The following FBXL17 variants were observed in gnomAD, a reference collection of about 807,000 sequenced individuals.
FBXL17 encodes F-box and leucine rich repeat protein 17.
In FBXL17, 22 loss-of-function variants were observed where a neutral mutation model predicts 66.2. The ratio of observed to expected loss-of-function variants is 0.33; its 90% CI spans 0.24 to 0.47. The LOEUF (loss-of-function observed/expected upper bound fraction) is 0.47. FBXL17 is among the 20% of genes least tolerant of loss of function. FBXL17 has a pLI of 1.00. For synonymous variants in FBXL17, 474 were observed against 400.5 expected (o/e 1.18, Z -2.19); for missense variants, 878 against 948.2 (o/e 0.93, Z 0.97).
At chr5:107,979,080 C>G (rs990075026) in intron 7 of FBXL17, among the ~76,000 whole-genome samples, 2 of 152,172 alleles carry the variant, frequency 1.3e-5, no homozygotes, top group Non-Finnish European at 2.9e-5. Flanking sequence ...AGAGACAATG[C>G]ATGTGAAACG....
intron 6 of FBXL17, among the ~76,000 whole-genome samples, chr5:108,074,048 C>T (rs1748447800): frequency 6.6e-6 from 1 of 152,212 alleles, no homozygotes; most frequent in Admixed American, 6.5e-5. Flanking sequence ...GATTTACCAC[C>T]ATTACCTGTT....
chr5:107,993,468 A>G (rs1309013969), intron 7 of FBXL17, among the ~76,000 whole-genome samples: 5 of 152,232 alleles, frequency 3.3e-5, no homozygotes, highest in South Asian at 4.1e-4. Context: ...CTAAATACAT[A>G]TGATTTTCTG....
At chr5:108,149,997 G>A (rs1751706274) in intron 6 of FBXL17, among the ~76,000 whole-genome samples, 1 of 152,070 alleles carries the variant, frequency 6.6e-6, no homozygotes, top group East Asian at 1.9e-4. Context: ...AGAAAGAGTA[G>A]AATGTACACC....
chr5:107,960,245 AG>A (rs1056611299), intron 7 of FBXL17, among the ~76,000 whole-genome samples: 11 of 152,042 alleles, frequency 7.2e-5, no homozygotes, highest in Non-Finnish European at 2.9e-5. Context: ...CTTTTTTTTA[AG>A]GTGTACAATG....
At chr5:108,105,631 T>C (rs158185) in intron 6 of FBXL17, among the ~76,000 whole-genome samples, 103,994 of 152,094 alleles carry the variant, frequency 0.68, 36,005 homozygotes, top group East Asian at 0.92. Flanking sequence ...TCTTAATTAT[T>C]CATGTATGTC....
intron 4 of FBXL17, chr5:108,297,750 G>T: frequency 1.5e-6 from 1 of 647,404 alleles, no homozygotes; most frequent in Non-Finnish European, 1.9e-6. Flanking sequence ...TTCAAAAAAA[G>T]TTTATTCATA....
intron 6 of FBXL17, among the ~76,000 whole-genome samples, chr5:108,135,928 C>T (rs1400121709): frequency 1.3e-5 from 2 of 152,064 alleles, no homozygotes; most frequent in Non-Finnish European, 1.5e-5. Flanking sequence ...ACTATCCAGA[C>T]GTCAAGGCCT....
In FBXL17 at chr5:108,276,817, T is replaced by C. The variant is rs564134804; in HGVS notation, c.1507-52589A>G. 2.0e-5 allele frequency among the ~76,000 whole-genome samples: 3 copies of C among 152,272 alleles called. No individual in the cohort carries two copies. The South Asian group carries it at 6.2e-4, about 32-fold the overall frequency. ...CCCTTAGACATTTTGAAATGATGTA[T>C]GGGTGGTTATTTATGTAAAAAGCCT... On this transcript the variant is annotated intron_variant, in intron 4 of 8. Transcript: ENST00000542267.
intron 4 of FBXL17, among the ~76,000 whole-genome samples, chr5:108,269,208 G>C (rs1009465007): frequency 1.3e-5 from 2 of 152,048 alleles, no homozygotes; most frequent in African/African-American, 4.8e-5. Context: ...GTAGGAGGAA[G>C]GTAAGAGTGA....
intron 4 of FBXL17, among the ~76,000 whole-genome samples, chr5:108,323,182 A>C (rs1408066511): frequency 6.6e-6 from 1 of 151,894 alleles, no homozygotes; most frequent in African/African-American, 2.4e-5. Flanking sequence ...TTCACAGATG[A>C]CATGATATTG....
chr5:108,368,858 C>T (rs1253745666), intron 1 of FBXL17, among the ~76,000 whole-genome samples: 1 of 150,258 alleles, frequency 6.7e-6, no homozygotes, highest in African/African-American at 2.4e-5. Context: ...AAGGCGGGAA[C>T]TGTATCAGGC....
At chr5:108,213,303 G>T (rs573513775) in intron 5 of FBXL17, among the ~76,000 whole-genome samples, 13 of 152,252 alleles carry the variant, frequency 8.5e-5, no homozygotes, top group African/African-American at 2.9e-4. Context: ...GGAGTGAATG[G>T]TTCTGTCTTG....
At chr5:107,866,425 T>C (rs546449753) in intron 8 of FBXL17, among the ~76,000 whole-genome samples, 1 of 152,320 alleles carries the variant, frequency 6.6e-6, no homozygotes, top group African/African-American at 2.4e-5. Flanking sequence ...TGAGTTAACA[T>C]CTATTAGCAC....
At chr5:108,186,344 T>A in intron 5 of FBXL17, 97 bp from the exon 6 acceptor site, 1 of 934,750 alleles carries the variant, frequency 1.1e-6, no homozygotes, top group Non-Finnish European at 1.6e-6. Flanking sequence ...AGTATCACTG[T>A]AAAATATTTA....
chr5:108,091,379 G>A (rs571980670), intron 6 of FBXL17, among the ~76,000 whole-genome samples: 3 of 152,258 alleles, frequency 2.0e-5, no homozygotes, highest in Admixed American at 2.0e-4. Context: ...ATTTGAACTT[G>A]CATGACAAAA....
At position 108,380,736 on chromosome 5, in the gene FBXL17, G is replaced by T. The variant is rs751031655; in HGVS notation, c.956C>A (p.Pro319Gln). Residue 319 changes from proline (P) to glutamine (Q), a missense_variant, in exon 1 of 9, where the codon CCA (proline) becomes CAA (glutamine). Transcript: ENST00000542267. ...DCHREPPPET[P>Q]DINQLPPSIL... ...GGACGGCGGCAGCTGGTTGATGTCTGGGGTTTCGGGGGGCGGCTCCCTGTG... is the reference window on the plus strand; with the variant it reads ...GGACGGCGGCAGCTGGTTGATGTCTTGGGTTTCGGGGGGCGGCTCCCTGTG... 8.0e-7 allele frequency: 1 copy of T among 1,250,000 alleles called. No individual in the cohort carries two copies. 77.4% of individuals were successfully genotyped at this position (1,250,000 alleles called of 1,614,324 possible).
intron 7 of FBXL17, among the ~76,000 whole-genome samples, chr5:107,929,795 G>A (rs1750668916): frequency 6.6e-6 from 1 of 152,098 alleles, no homozygotes; most frequent in Admixed American, 6.6e-5. Context: ...AAGGCAAATG[G>A]TTCTGTGATG....
intron 6 of FBXL17, among the ~76,000 whole-genome samples, chr5:108,176,898 G>A (rs543161301): frequency 2.5e-4 from 38 of 152,202 alleles, no homozygotes; most frequent in African/African-American, 8.7e-4. Flanking sequence ...TTTGCCTGTT[G>A]TAGCAAAATA....
At chr5:107,904,224 C>T (rs1169187069) in intron 7 of FBXL17, among the ~76,000 whole-genome samples, 1 of 152,132 alleles carries the variant, frequency 6.6e-6, no homozygotes, top group African/African-American at 2.4e-5. Context: ...TATTTCCTAT[C>T]TCACGATGGC....
Sources: gnomAD v4.1 joint callset for allele counts (sites outside exome capture counted in the v4.1 genomes callset) on GRCh38, gnomAD v4.1.1 for gene constraint, MANE v1.5 for transcripts, NCBI Gene and HGNC (gene_info 2026-07-23, HGNC 2026-07-21) for gene names.